The following CACNB4 variants were observed in gnomAD, a reference collection of about 807,000 sequenced individuals.
CACNB4 encodes the protein calcium voltage-gated channel auxiliary subunit beta 4, also known as voltage-dependent L-type calcium channel subunit beta-4.
CACNB4 carries 32 observed loss-of-function variants against 71.2 expected under a neutral mutation model. The ratio of observed to expected loss-of-function variants is 0.45; its 90% CI spans 0.34 to 0.60. The LOEUF is 0.60. CACNB4 is among the 20% of genes least tolerant of loss of function. The pLI, the probability that CACNB4 is intolerant of heterozygous loss-of-function variation, is 0.01. For missense variants in CACNB4, 464 were observed against 647.9 expected (o/e 0.72, Z 3.08); for synonymous variants, 231 against 236.9 (o/e 0.97, Z 0.23).
At chr2:151,988,465 T>C (rs1056187975) in intron 2 of CACNB4, among the ~76,000 whole-genome samples, 1 of 152,196 alleles carries the variant, frequency 6.6e-6, no homozygotes, top group Non-Finnish European at 1.5e-5. Context: ...AATAAAATCA[T>C]GCAGTGCAGC....
chr2:151,914,903 G>T lies in CACNB4; in HGVS notation c.148-31533C>A, dbSNP rs555360444. On this transcript the variant is annotated intron_variant, in intron 2 of 13. Coordinates refer to ENST00000539935, the MANE Select transcript of CACNB4 (RefSeq NM_000726.5). ...AGAGGCACCAACCTGATGCCAGCAGGATCCCTCCTGTATAGGGTGTCTGAC... is the reference window on the plus strand; with the variant it reads ...AGAGGCACCAACCTGATGCCAGCAGTATCCCTCCTGTATAGGGTGTCTGAC... Among the ~76,000 whole-genome samples, 22 of 152,270 alleles carry T rather than the reference G, an allele frequency of 1.4e-4. No homozygotes were observed. The South Asian group carries it at 4.4e-3, about 30-fold the overall frequency.
intron 2 of CACNB4, among the ~76,000 whole-genome samples, chr2:151,957,542 G>T (rs1394681257): frequency 6.6e-6 from 1 of 152,122 alleles, no homozygotes; most frequent in Non-Finnish European, 1.5e-5. Flanking sequence ...CAAATAAGTG[G>T]ACAAGAAGCT....
chr2:152,071,607 T>C (rs531017002), intron 2 of CACNB4, among the ~76,000 whole-genome samples: 12 of 152,312 alleles, frequency 7.9e-5, no homozygotes, highest in African/African-American at 2.6e-4. Context: ...AAACCTAAGA[T>C]TTGGTTGGTT....
At chr2:151,964,087 A>ATAAAT (rs1560080052) in intron 2 of CACNB4, among the ~76,000 whole-genome samples, 93 of 151,100 alleles carry the variant, frequency 6.2e-4, no homozygotes, top group African/African-American at 2.1e-3. Flanking sequence ...AAAAAAAAAA[A>ATAAAT]AAAGAATGTT....
intron 2 of CACNB4, among the ~76,000 whole-genome samples, chr2:152,038,320 G>A (rs778025442): frequency 3.9e-5 from 6 of 152,174 alleles, no homozygotes; most frequent in Non-Finnish European, 8.8e-5. Flanking sequence ...AGCCCTCCCC[G>A]GCCTTTTCCA....
chr2:151,852,295 T>C (rs2151348815), intron 12 of CACNB4: 1 of 152,348 alleles, frequency 6.6e-6, no homozygotes, highest in East Asian at 1.9e-4. Flanking sequence ...TGTAAGCATC[T>C]AATGAAAGGA....
intron 2 of CACNB4, among the ~76,000 whole-genome samples, chr2:152,095,211 G>T (rs887954005): frequency 2.0e-5 from 3 of 152,158 alleles, no homozygotes; most frequent in African/African-American, 7.2e-5. Flanking sequence ...TTCCTGAGGG[G>T]CTTCATGAGC....
At chr2:151,964,925 T>A (rs984401604) in intron 2 of CACNB4, among the ~76,000 whole-genome samples, 2 of 110,126 alleles carry the variant, frequency 1.8e-5, no homozygotes, top group Non-Finnish European at 3.8e-5. Context: ...GCCCTGTGCA[T>A]CATAATTAAA....
intron 2 of CACNB4, among the ~76,000 whole-genome samples, chr2:151,975,559 C>T (rs62176797): frequency 0.023 from 3,463 of 152,254 alleles, 48 homozygotes; most frequent in Middle Eastern, 0.031. Flanking sequence ...GTGCAGTCAA[C>T]GGGATTCCAT....
chr2:152,092,479 ATCT>A (rs1433896195), intron 2 of CACNB4, among the ~76,000 whole-genome samples: 1 of 152,226 alleles, frequency 6.6e-6, no homozygotes. Context: ...TGTAACGATC[ATCT>A]GATTAGCATA....
chr2:151,889,094 C>G (rs188050722), intron 2 of CACNB4, among the ~76,000 whole-genome samples: 1 of 152,046 alleles, frequency 6.6e-6, no homozygotes, highest in Non-Finnish European at 1.5e-5. Flanking sequence ...TTGGGCTGTG[C>G]GGTAGTAGAC....
At chr2:151,913,970 T>A (rs1012086759) in intron 2 of CACNB4, among the ~76,000 whole-genome samples, 8 of 152,104 alleles carry the variant, frequency 5.3e-5, no homozygotes, top group Admixed American at 3.9e-4. Context: ...GATCTTCTCA[T>A]GGAGTATCTT....
intron 2 of CACNB4, among the ~76,000 whole-genome samples, chr2:152,087,190 C>T (rs990313824): frequency 4.0e-4 from 61 of 151,138 alleles, no homozygotes; most frequent in African/African-American, 1.4e-3. Flanking sequence ...CCCAGCACTT[C>T]GGGAGGCCAA....
intron 2 of CACNB4, among the ~76,000 whole-genome samples, chr2:151,931,913 TC>T (rs376169675): frequency 5.3e-5 from 8 of 152,262 alleles, no homozygotes; most frequent in African/African-American, 1.7e-4. Flanking sequence ...GAGATAACTC[TC>T]CCTCTATTGA....
intron 2 of CACNB4, among the ~76,000 whole-genome samples, chr2:152,025,257 T>C (rs1260923202): frequency 6.6e-6 from 1 of 152,214 alleles, no homozygotes; most frequent in Non-Finnish European, 1.5e-5. Context: ...GTTTGATAGC[T>C]TTCCTGAAAA....
intron 2 of CACNB4, among the ~76,000 whole-genome samples, chr2:152,097,021 C>T (rs891867051): frequency 5.9e-5 from 9 of 152,130 alleles, no homozygotes; most frequent in Middle Eastern, 3.2e-3. Context: ...ATATGTTTGC[C>T]TTATCAAATA....
At chr2:151,909,149 G>C (rs905434191) in intron 2 of CACNB4, among the ~76,000 whole-genome samples, 8 of 149,222 alleles carry the variant, frequency 5.4e-5, no homozygotes, top group Admixed American at 1.3e-4. Flanking sequence ...AGAGGGGGCT[G>C]GTGGGCACAG....
intron 2 of CACNB4, among the ~76,000 whole-genome samples, chr2:152,086,159 G>A (rs1292154154): frequency 2.6e-5 from 4 of 152,096 alleles, no homozygotes; most frequent in East Asian, 1.9e-4. Context: ...TTACAATATC[G>A]ATTTGACAGA....
chr2:152,052,836 G>C (rs1240794837), intron 2 of CACNB4, among the ~76,000 whole-genome samples: 1 of 151,978 alleles, frequency 6.6e-6, no homozygotes, highest in African/African-American at 2.4e-5. Context: ...AAAAAAATTG[G>C]CTGGGCGTGG....
Sources: allele counts gnomAD v4.1 joint callset (sites outside exome capture counted in the v4.1 genomes callset), GRCh38; gene constraint gnomAD v4.1.1; transcripts MANE v1.5; gene names NCBI Gene and HGNC (gene_info 2026-07-23, HGNC 2026-07-21).